The following SVEP1 variants were observed in gnomAD, a reference collection of about 807,000 sequenced individuals.
The protein encoded by SVEP1 is sushi, von Willebrand factor type A, EGF and pentraxin domain containing 1, also known as sushi, von Willebrand factor type A, EGF and pentraxin domain-containing protein 1.
SVEP1 carries 164 observed loss-of-function variants against 367.3 expected under a neutral mutation model. The observed-to-expected ratio is 0.45, with a 90% CI of 0.39 to 0.51. The LOEUF is 0.51. SVEP1 is among the 20% of genes least tolerant of loss of function. The probability of loss-of-function intolerance (pLI) is 0.00; values close to 1 mark genes in which losing one functional copy is unlikely to be tolerated. For missense variants in SVEP1, 4,117 were observed against 4,425.3 expected (o/e 0.93, Z 1.98); for synonymous variants, 1,666 against 1,611.6 (o/e 1.03, Z -0.81).
intron 22 of SVEP1, 141 bp downstream of exon 22, chr9:110,455,449 G>A (rs1236986020): frequency 3.1e-6 from 2 of 636,842 alleles, no homozygotes; most frequent in African/African-American, 1.9e-5. Context: ...ATGCAAATAA[G>A]TAATATTAGA....
chr9:110,393,372 A>C (rs1827698455), intron 40 of SVEP1, among the ~76,000 whole-genome samples: 1 of 152,218 alleles, frequency 6.6e-6, no homozygotes, highest in Non-Finnish European at 1.5e-5. Context: ...TGAGACATGC[A>C]AAACATTTAA....
intron 20 of SVEP1, chr9:110,458,186 G>A: frequency 1.7e-6 from 1 of 589,248 alleles, no homozygotes; most frequent in South Asian, 1.6e-5. Flanking sequence ...TGTGCTTGTG[G>A]TAAGTGCTTA....
At chr9:110,542,822 T>C (rs1188384321) in intron 3 of SVEP1, among the ~76,000 whole-genome samples, 3 of 50,218 alleles carry the variant, frequency 6.0e-5, no homozygotes, top group African/African-American at 2.4e-4. Context: ...TGTCTTCTTT[T>C]GGGGAGGGGG....
intron 3 of SVEP1, among the ~76,000 whole-genome samples, chr9:110,545,602 A>G (rs1241808795): frequency 1.3e-5 from 2 of 152,188 alleles, no homozygotes; most frequent in African/African-American, 4.8e-5. Flanking sequence ...CCTGGGGACA[A>G]GAATTCCACT....
At chr9:110,551,768 G>GA (rs1033809743) in intron 1 of SVEP1, among the ~76,000 whole-genome samples, 45 of 152,066 alleles carry the variant, frequency 3.0e-4, no homozygotes, top group Admixed American at 5.9e-4. Context: ...CTCCAGAGAA[G>GA]AAAAAACCTC....
At chr9:110,490,377 G>A (rs969346140) in intron 8 of SVEP1, among the ~76,000 whole-genome samples, 3 of 151,932 alleles carry the variant, frequency 2.0e-5, no homozygotes, top group Admixed American at 6.6e-5. Flanking sequence ...ATATATGATC[G>A]ATTATCGTAA....
chr9:110,574,740 C>CTTTT (rs1564180524), intron 1 of SVEP1, among the ~76,000 whole-genome samples: 1 of 106,330 alleles, frequency 9.4e-6, no homozygotes, highest in Non-Finnish European at 2.0e-5. Context: ...TCCAGTCGAC[C>CTTTT]TTCTTTTTTT....
At chr9:110,562,940 C>T (rs1830449755) in intron 1 of SVEP1, among the ~76,000 whole-genome samples, 1 of 152,010 alleles carries the variant, frequency 6.6e-6, no homozygotes. Flanking sequence ...GATCCAACTG[C>T]TTCAGTCTCT....
At chr9:110,510,477 C>T (rs987336753) in intron 5 of SVEP1, among the ~76,000 whole-genome samples, 5 of 152,144 alleles carry the variant, frequency 3.3e-5, no homozygotes, top group Non-Finnish European at 1.5e-5. Context: ...CACAGATGCA[C>T]GTGTAGAGGT....
chr9:110,494,365 A>G (rs7024581), intron 8 of SVEP1, among the ~76,000 whole-genome samples: 8,840 of 152,252 alleles, frequency 0.058, 297 homozygotes, highest in African/African-American at 0.11. Context: ...TGAAGTGGAT[A>G]CAAGATTCAA....
At chr9:110,495,423 G>A (rs746277948) in intron 8 of SVEP1, among the ~76,000 whole-genome samples, 7 of 152,140 alleles carry the variant, frequency 4.6e-5, no homozygotes, top group Non-Finnish European at 1.0e-4. Context: ...GAGGGTCAGA[G>A]TGAAAAGAAA....
chr9:110,481,554 A>G, intron 11 of SVEP1, 118 bp from the exon 12 acceptor site: 2 of 675,592 alleles, frequency 3.0e-6, no homozygotes, highest in African/African-American at 3.6e-5. Context: ...TTTCTAGAAA[A>G]GCTTTTACCA....
chr9:110,480,380 G>A (rs1030401449), intron 12 of SVEP1, among the ~76,000 whole-genome samples: 1 of 152,018 alleles, frequency 6.6e-6, no homozygotes, highest in Admixed American at 6.6e-5. Flanking sequence ...TCTGTTAAGT[G>A]GGTTTCACAT....
chr9:110,545,026 T>C (rs1041548402), intron 3 of SVEP1, among the ~76,000 whole-genome samples: 10 of 152,202 alleles, frequency 6.6e-5, no homozygotes, highest in African/African-American at 2.4e-4. Context: ...GTGGTGTTTG[T>C]CTTTCTGTGC....
intron 6 of SVEP1, among the ~76,000 whole-genome samples, chr9:110,501,098 T>C (rs1173667436): frequency 6.8e-6 from 1 of 147,808 alleles, no homozygotes; most frequent in Non-Finnish European, 1.5e-5. Context: ...ATTAATATAA[T>C]TAATATACAT....
intron 3 of SVEP1, among the ~76,000 whole-genome samples, chr9:110,519,304 T>C (rs1437579826): frequency 1.3e-5 from 2 of 152,172 alleles, no homozygotes; most frequent in Non-Finnish European, 2.9e-5. Context: ...AATAGATGAT[T>C]ATACTGCTTT....
At chr9:110,381,633 AGTACTGT>A (rs1361707232) in intron 43 of SVEP1, among the ~76,000 whole-genome samples, 2 of 152,228 alleles carry the variant, frequency 1.3e-5, no homozygotes, top group East Asian at 3.9e-4. Flanking sequence ...TTTTAGAGTA[AGTACTGT>A]GTAGCAATGA....
Position 110,579,063 on chromosome 9 carries a change from A to C in SVEP1, c.481T>G (p.Ser161Ala). Residue 161 changes from serine (S) to alanine (A), a missense_variant, in exon 1 of 48, where the codon TCC becomes GCC. Coordinates refer to ENST00000374469, the MANE Select transcript of SVEP1 (RefSeq NM_153366.4). This position sits in a 1 kb window ranked among gnomAD's most constrained non-coding sequence, Gnocchi z 5.3. Reference protein sequence around the residue: ...ALLLQEIPAISYRGGGTYTKG... With the variant: ...ALLLQEIPAIAYRGGGTYTKG... ...GTGTAGGTGCCGCCACCTCGGTAGG[A>C]GATGGCAGGGATCTCTTGGAGGAGC... 6.5e-7 allele frequency: 1 copy of C among 1,549,924 alleles called. No individual in the cohort carries two copies. Among genetic ancestry groups the C allele is most frequent in the Non-Finnish European group, 8.7e-7 (1 of 1,146,944 alleles).
At position 110,447,056 on chromosome 9, in the gene SVEP1, A is replaced by G; in HGVS notation, c.4105T>C (p.Cys1369Arg). 1 of 1,482,750 alleles carries G rather than the reference A, an allele frequency of 6.7e-7. No homozygotes were observed. The allele number at this position is 1,482,750 out of a possible 1,614,324, so 91.8% of individuals were successfully genotyped here. A position where few individuals can be genotyped will look rare whatever the true frequency, so the allele number is the denominator to read the frequency against. The change falls in exon 25 of 48, where the codon TGC becomes CGC. Residue 1369 changes from cysteine to arginine, a missense_variant and splice_region_variant. Cys to Arg is a radical substitution (Grantham distance 180). Coordinates refer to ENST00000374469, the MANE Select transcript of SVEP1 (RefSeq NM_153366.4). ...TCKDGANSFRCLCAAGFTGSH... is the reference protein window; with the variant it reads ...TCKDGANSFRRLCAAGFTGSH... ...CCTGTGAAGCCAGCTGCACACAGGC[A>G]TCTGAAAGAAAACAAAATGTTGTAA...
Sources: allele counts gnomAD v4.1 joint callset (sites outside exome capture counted in the v4.1 genomes callset), GRCh38; gene constraint gnomAD v4.1.1; non-coding constraint Gnocchi (gnomAD v3.1); transcripts MANE v1.5; gene names NCBI Gene and HGNC (gene_info 2026-07-23, HGNC 2026-07-21).